Variants in ST6GALNAC3 observed in about 807,000 individuals in gnomAD.
The protein encoded by ST6GALNAC3 is ST6 N-acetylgalactosaminide alpha-2,6-sialyltransferase 3.
A neutral mutation model predicts 32.7 loss-of-function variants in ST6GALNAC3; 25 were observed. That is an observed-to-expected ratio of 0.76 (90% CI 0.56 to 1.07). The LOEUF (loss-of-function observed/expected upper bound fraction) is 1.07, where lower values mean the gene tolerates loss of function less well. ST6GALNAC3 is among the 50% of genes least tolerant of loss of function. The pLI, the probability that ST6GALNAC3 is intolerant of heterozygous loss-of-function variation, is 0.00. For missense variants in ST6GALNAC3, 355 were observed against 382.4 expected (o/e 0.93, Z 0.60); for synonymous variants, 129 against 133.1 (o/e 0.97, Z 0.21).
At chr1:76,601,225 A>AAGGAAGGAAGGAAGG (rs1553147188) in intron 3 of ST6GALNAC3, among the ~76,000 whole-genome samples, 1 of 152,030 alleles carries the variant, frequency 6.6e-6, no homozygotes, top group African/African-American at 2.4e-5. Flanking sequence ...AGGAAGGAAG[A>AAGGAAGGAAGGAAGG]AAGGAAGGAA....
In ST6GALNAC3 at chr1:76,099,608, C is replaced by T. The variant is rs78276733; in HGVS notation, c.18+24724C>T. The stretch of plus-strand genomic sequence containing the variant: ...GTAATACGTGATTCTATCTATATGA[C>T]GTTTATAAAAGCCCCAACTCTACAG... On this transcript the variant is annotated intron_variant, in intron 1 of 4. Coordinates refer to ENST00000328299, the MANE Select transcript of ST6GALNAC3 (RefSeq NM_152996.4). Among the ~76,000 whole-genome samples, 1,166 of 152,166 alleles carry T rather than the reference C, an allele frequency of 7.7e-3. 6 individuals carry two copies. Among genetic ancestry groups the T allele is most frequent in the Middle Eastern group, 0.014 (4 of 294 alleles).
intron 1 of ST6GALNAC3, among the ~76,000 whole-genome samples, chr1:76,090,706 C>T (rs1463395875): frequency 1.3e-5 from 2 of 152,208 alleles, no homozygotes; most frequent in African/African-American, 4.8e-5. Flanking sequence ...AGGGTCTTTT[C>T]AGGCCCTGAA....
At chr1:76,505,642 A>G (rs1282799425) in intron 3 of ST6GALNAC3, among the ~76,000 whole-genome samples, 1 of 152,186 alleles carries the variant, frequency 6.6e-6, no homozygotes, top group Non-Finnish European at 1.5e-5. Context: ...TAAGTTTGGA[A>G]GTAGAATCAC....
intron 1 of ST6GALNAC3, among the ~76,000 whole-genome samples, chr1:76,229,589 T>C (rs1656253133): frequency 6.6e-6 from 1 of 152,214 alleles, no homozygotes; most frequent in Non-Finnish European, 1.5e-5. Context: ...TTGGTTGGTC[T>C]TTGTTTATTT....
chr1:76,186,785 T>C (rs1319122134), intron 1 of ST6GALNAC3, among the ~76,000 whole-genome samples: 1 of 152,178 alleles, frequency 6.6e-6, no homozygotes, highest in Non-Finnish European at 1.5e-5. Context: ...TCTGTAGATT[T>C]ATGAGCTTGT....
chr1:76,560,944 C>A (rs1012313125), intron 3 of ST6GALNAC3, among the ~76,000 whole-genome samples: 2 of 152,118 alleles, frequency 1.3e-5, no homozygotes, highest in Admixed American at 1.3e-4. Context: ...TTGGAAGCAA[C>A]CTAAGTGTCC....
intron 3 of ST6GALNAC3, among the ~76,000 whole-genome samples, chr1:76,516,707 A>C (rs749765723): frequency 1.3e-5 from 2 of 152,050 alleles, no homozygotes; most frequent in Non-Finnish European, 1.5e-5. Context: ...TTTAATTTTT[A>C]TTCCCTCTGC....
At chr1:76,433,417 T>TG (rs2101459141) in intron 3 of ST6GALNAC3, among the ~76,000 whole-genome samples, 1 of 152,274 alleles carries the variant, frequency 6.6e-6, no homozygotes, top group Non-Finnish European at 1.5e-5. Flanking sequence ...CAGTGGGTGG[T>TG]GGGGCTATGC....
At chr1:76,479,496 A>G (rs745498761) in intron 3 of ST6GALNAC3, among the ~76,000 whole-genome samples, 2 of 152,224 alleles carry the variant, frequency 1.3e-5, no homozygotes, top group Non-Finnish European at 2.9e-5. Context: ...GTCCAAGAGC[A>G]TGCTGGTGGT....
In ST6GALNAC3 at chr1:76,628,603, T is replaced by C; in HGVS notation, c.732-17T>C. ...CATCTCAATCTTTCTCTCCTTTTCT[T>C]TTTTTTTCTTTTCTAGGACAGAAGG... On this transcript the variant is annotated splice_polypyrimidine_tract_variant and intron_variant, in intron 4 of 4. Transcript: ENST00000328299. 6 of 1,561,408 alleles carry C rather than the reference T, an allele frequency of 3.8e-6. No homozygotes were observed. The highest frequency in any genetic ancestry group is 5.2e-6 in the Non-Finnish European group (6 of 1,162,592).
chr1:76,497,699 T>A (rs534390218), intron 3 of ST6GALNAC3, among the ~76,000 whole-genome samples: 22 of 152,284 alleles, frequency 1.4e-4, no homozygotes, highest in South Asian at 4.1e-4. Context: ...GGTATACATA[T>A]CCCATTTTGG....
In ST6GALNAC3 at chr1:76,591,086, C is replaced by T. The variant is rs192006054; in HGVS notation, c.624-36366C>T. Among the ~76,000 whole-genome samples, 251 of 152,182 alleles carry T rather than the reference C, an allele frequency of 1.6e-3. 1 individual carries two copies. The highest frequency in any genetic ancestry group is 2.6e-3 in the Non-Finnish European group (180 of 67,998). ...TCTAAGAATACATGACAGGAGACTG[C>T]ACTTAATCTGTGATGATAAAGGTTA... is the stretch of plus-strand genomic sequence containing the variant. On this transcript the variant is annotated intron_variant, in intron 3 of 4. Transcript: ENST00000328299.
chr1:76,563,351 A>G (rs1286951640), intron 3 of ST6GALNAC3, among the ~76,000 whole-genome samples: 1 of 152,232 alleles, frequency 6.6e-6, no homozygotes, highest in African/African-American at 2.4e-5. Flanking sequence ...CAAAGGGACA[A>G]ACTGGGAGAG....
chr1:76,526,452 C>T (rs1032596884), intron 3 of ST6GALNAC3, among the ~76,000 whole-genome samples: 3 of 152,058 alleles, frequency 2.0e-5, no homozygotes, highest in Admixed American at 6.6e-5. Context: ...TAAGTGAAGA[C>T]GAATCCTTTA....
rs529278528 is a variant in ST6GALNAC3, at chr1:76,193,337, A to T, written c.18+118453A>T. Among the ~76,000 whole-genome samples, 441 of 152,256 alleles carry T rather than the reference A, an allele frequency of 2.9e-3. 1 individual carries two copies. The highest frequency in any genetic ancestry group is 3.7e-3 in the Non-Finnish European group (254 of 68,002). The stretch of plus-strand genomic sequence containing the variant: ...TCAAAAGATTGTATATATTTGTCAC[A>T]CACATGTTGTTTTGAAGTGTGTACA... On this transcript the variant is annotated intron_variant, in intron 1 of 4. Transcript: ENST00000328299.
intron 3 of ST6GALNAC3, among the ~76,000 whole-genome samples, chr1:76,600,469 A>G (rs1647205812): frequency 1.3e-5 from 2 of 152,144 alleles, no homozygotes; most frequent in South Asian, 4.1e-4. Context: ...TTCACTGAGT[A>G]CTTACATTGT....
At chr1:76,366,518 T>C (rs1177029329) in intron 2 of ST6GALNAC3, among the ~76,000 whole-genome samples, 1 of 152,236 alleles carries the variant, frequency 6.6e-6, no homozygotes, top group Non-Finnish European at 1.5e-5. Flanking sequence ...TCTCTTATTT[T>C]GAACATCTTA....
chr1:76,586,974 A>G (rs1406837971), intron 3 of ST6GALNAC3, among the ~76,000 whole-genome samples: 1 of 152,162 alleles, frequency 6.6e-6, no homozygotes, highest in Non-Finnish European at 1.5e-5. Context: ...GAATTTTTGC[A>G]TTTACCTACT....
At chr1:76,174,663 C>CTTTTTTTTTTTTTT (rs59269306) in intron 1 of ST6GALNAC3, among the ~76,000 whole-genome samples, 2 of 140,110 alleles carry the variant, frequency 1.4e-5, no homozygotes, top group South Asian at 2.2e-4. Context: ...TTTTTCTTTT[C>CTTTTTTTTTTTTTT]TTTTTTTTTT....
Sources: gnomAD v4.1 joint callset for allele counts (sites outside exome capture counted in the v4.1 genomes callset) on GRCh38, gnomAD v4.1.1 for gene constraint, MANE v1.5 for transcripts, NCBI Gene and HGNC (gene_info 2026-07-23, HGNC 2026-07-21) for gene names.